The following YEATS2 variants were observed in gnomAD, a reference collection of about 807,000 sequenced individuals.
The protein encoded by YEATS2 is YEATS domain containing 2, also known as YEATS domain-containing protein 2.
A neutral mutation model predicts 163.2 loss-of-function variants in YEATS2; 77 were observed. The ratio of observed to expected loss-of-function variants is 0.47; its 90% CI spans 0.39 to 0.57. YEATS2 has a LOEUF of 0.57. Among genes scored for constraint, YEATS2 ranks in the 20% least tolerant of loss-of-function variants. YEATS2 has a pLI of 0.00. For missense variants in YEATS2, 1,549 were observed against 1,729.8 expected (o/e 0.90, Z 1.85); for synonymous variants, 631 against 645.1 (o/e 0.98, Z 0.33).
chr3:183,791,072 C>A, intron 21 of YEATS2, 92 bp downstream of exon 21: 2 of 1,506,924 alleles, frequency 1.3e-6, no homozygotes, highest in South Asian at 1.3e-5. Flanking sequence ...CTCACTCTGT[C>A]GCCCAAGCTA....
At chr3:183,709,893 G>A (rs957008453) in intron 1 of YEATS2, among the ~76,000 whole-genome samples, 4 of 151,838 alleles carry the variant, frequency 2.6e-5, no homozygotes, top group Non-Finnish European at 4.4e-5. Context: ...TGTTAGCCAG[G>A]ATGGTCTTCA....
chr3:183,730,559 G>A (rs1717677107), intron 7 of YEATS2, among the ~76,000 whole-genome samples: 1 of 152,114 alleles, frequency 6.6e-6, no homozygotes, highest in Non-Finnish European at 1.5e-5. Context: ...ATACCACTGG[G>A]CCTGGGGGTG....
intron 1 of YEATS2, among the ~76,000 whole-genome samples, chr3:183,706,685 G>A (rs749258600): frequency 1.3e-4 from 20 of 152,116 alleles, no homozygotes; most frequent in Non-Finnish European, 2.4e-4. Context: ...GCGCGGTGGC[G>A]CATACTTGTA....
At chr3:183,761,997 A>G (rs566901261) in intron 14 of YEATS2, 100 bp from the exon 15 acceptor site, 5 of 1,500,078 alleles carry the variant, frequency 3.3e-6, no homozygotes, top group Admixed American at 1.7e-5. Context: ...AGTTTCATCA[A>G]TTCATTAATC....
At chr3:183,768,753 G>A (rs769963750) in intron 15 of YEATS2, among the ~76,000 whole-genome samples, 1 of 152,066 alleles carries the variant, frequency 6.6e-6, no homozygotes, top group Non-Finnish European at 1.5e-5. Context: ...CAGGTAGATC[G>A]CCTGAGGTCG....
chr3:183,723,796 C>T lies in YEATS2; in HGVS notation c.538-623C>T, dbSNP rs539639200. ...GCTTAGTGGCGGGTACCTGTAATCC[C>T]ATCTACTCGAGAGGCTGAGGCAGGA... On this transcript the variant is annotated intron_variant, in intron 5 of 30. Transcript: ENST00000305135. Among the ~76,000 whole-genome samples, 8 of 152,122 alleles carry T rather than the reference C, an allele frequency of 5.3e-5. No homozygotes were observed. The South Asian group carries it at 1.5e-3, about 28-fold the overall frequency.
chr3:183,756,501 T>C (rs767547389), intron 11 of YEATS2, 27 bp from the exon 12 acceptor site: 3 of 1,522,776 alleles, frequency 2.0e-6, no homozygotes, highest in Non-Finnish European at 2.6e-6. Context: ...TGTATTTTGT[T>C]TGTATTCTCT....
At chr3:183,716,832 TC>T (rs1271480355) in intron 2 of YEATS2, among the ~76,000 whole-genome samples, 1 of 152,086 alleles carries the variant, frequency 6.6e-6, no homozygotes, top group East Asian at 1.9e-4. Flanking sequence ...CTAACCTTTC[TC>T]CCCCCACCAG....
chr3:183,729,571 A>G (rs369818720), intron 7 of YEATS2, among the ~76,000 whole-genome samples: 2 of 152,156 alleles, frequency 1.3e-5, no homozygotes, highest in African/African-American at 2.4e-5. Context: ...TCTTCTGTAC[A>G]TATTTGAATA....
At chr3:183,731,722 T>A (rs971996306) in intron 7 of YEATS2, among the ~76,000 whole-genome samples, 6 of 152,212 alleles carry the variant, frequency 3.9e-5, no homozygotes, top group African/African-American at 1.4e-4. Flanking sequence ...TGGAGTGTTT[T>A]CTGCTAATAG....
At chr3:183,750,459 G>T (rs1720046537) in intron 9 of YEATS2, among the ~76,000 whole-genome samples, 2 of 152,128 alleles carry the variant, frequency 1.3e-5, no homozygotes, top group Non-Finnish European at 2.9e-5. Context: ...AATGGAATTG[G>T]CTGGATCCTA....
chr3:183,799,751 A>G (rs1725481891), intron 23 of YEATS2, among the ~76,000 whole-genome samples: 2 of 151,758 alleles, frequency 1.3e-5, no homozygotes, highest in Non-Finnish European at 2.9e-5. Context: ...AGCTGGAGAG[A>G]TGATATTGAA....
At chr3:183,805,211 G>A (rs1305922113) in intron 27 of YEATS2, among the ~76,000 whole-genome samples, 2 of 151,778 alleles carry the variant, frequency 1.3e-5, no homozygotes, top group African/African-American at 2.4e-5. Context: ...GACCAGCCAG[G>A]GCAACATAGC....
chr3:183,730,061 T>TTTG (rs1717596694), intron 7 of YEATS2, among the ~76,000 whole-genome samples: 2 of 76,348 alleles, frequency 2.6e-5, no homozygotes, highest in African/African-American at 1.5e-4. Context: ...TGTTTTTTTT[T>TTTG]TTTTTTTTTT....
chr3:183,706,502 A>G (rs1489177626), intron 1 of YEATS2, among the ~76,000 whole-genome samples: 1 of 152,206 alleles, frequency 6.6e-6, no homozygotes, highest in East Asian at 1.9e-4. Flanking sequence ...TTGCGTGTAC[A>G]GTTGGGTGTT....
chr3:183,734,608 C>T (rs1718147596), intron 7 of YEATS2, among the ~76,000 whole-genome samples: 1 of 152,150 alleles, frequency 6.6e-6, no homozygotes, highest in South Asian at 2.1e-4. Context: ...GAATTTACTC[C>T]TTGTGATTCC....
In YEATS2 at chr3:183,810,710, C is replaced by T. The variant is rs932731747; in HGVS notation, c.*127C>T. Reference sequence around the variant, plus strand: ...CATGTCATGGCTACCCAACCTTTGCCGCTGCCTGTTCCCACGTGTCACCAG... The same window carrying T: ...CATGTCATGGCTACCCAACCTTTGCTGCTGCCTGTTCCCACGTGTCACCAG... On this transcript the variant is annotated 3_prime_UTR_variant, in exon 31 of 31. Coordinates refer to ENST00000305135, the MANE Select transcript of YEATS2 (RefSeq NM_018023.5). 2.5e-5 allele frequency: 20 copies of T among 789,910 alleles called. No homozygotes were observed. The East Asian group carries it at 3.0e-4, about 12-fold the overall frequency. 48.9% of individuals were successfully genotyped at this position (789,910 alleles called of 1,614,324 possible).
chr3:183,810,544 C>T lies in YEATS2; in HGVS notation c.4230C>T (p.Leu1410=), dbSNP rs1560346584. 1.2e-6 allele frequency: 2 copies of T among 1,614,164 alleles called. No homozygotes were observed. Among genetic ancestry groups the T allele is most frequent in the Non-Finnish European group, 1.7e-6 (2 of 1,180,006 alleles). Residue 1410 remains leucine (L), a synonymous_variant, in exon 31 of 31, where the codon CTC becomes CTT. Transcript: ENST00000305135. Reference sequence around the variant, plus strand: ...GCAACATTCCTTTTCTGGACTTCCTCACAAACAAACACATGGGAATATTGA... The same window carrying T: ...GCAACATTCCTTTTCTGGACTTCCTTACAAACAAACACATGGGAATATTGA... ...AICNIPFLDF[L]TNKHMGILNE...
At chr3:183,800,694 C>G (rs534152450) in intron 24 of YEATS2, 126 bp downstream of exon 24, 5 of 710,194 alleles carry the variant, frequency 7.0e-6, no homozygotes, top group Admixed American at 2.6e-5. Flanking sequence ...TGTCTGTCCC[C>G]GTGCAGTGGA....
Sources: allele counts gnomAD v4.1 joint callset (sites outside exome capture counted in the v4.1 genomes callset), GRCh38; gene constraint gnomAD v4.1.1; transcripts MANE v1.5; gene names NCBI Gene and HGNC (gene_info 2026-07-23, HGNC 2026-07-21).